The following GPR137B variants were observed in gnomAD, a reference collection of about 807,000 sequenced individuals.
The protein encoded by GPR137B is integral membrane protein GPR137B.
In GPR137B, 42 loss-of-function variants were observed where a neutral mutation model predicts 42.5. The observed-to-expected ratio is 0.99, with a 90% CI of 0.77 to 1.28. The LOEUF (loss-of-function observed/expected upper bound fraction) is 1.28. Ranked by LOEUF, GPR137B falls within the 50% of genes most tolerant of loss-of-function variation. The pLI is 0.00. For missense variants in GPR137B, 487 were observed against 493.9 expected (o/e 0.99, Z 0.13); for synonymous variants, 218 against 209.7 (o/e 1.04, Z -0.34).
chr1:236,164,510 G>A lies in GPR137B; in HGVS notation c.415-4196G>A, dbSNP rs115715364. On this transcript the variant is annotated intron_variant, in intron 1 of 6. Coordinates refer to ENST00000366592, the MANE Select transcript of GPR137B (RefSeq NM_003272.4). ...TGCAGACTGGCAGAAATGGGCAGCC[G>A]GATATGAGAGCCCAGCCGGCCAGAG... is the stretch of plus-strand genomic sequence containing the variant. 8.7e-3 allele frequency among the ~76,000 whole-genome samples: 1,327 copies of A among 152,302 alleles called. 15 individuals are homozygous for A. Among genetic ancestry groups the A allele is most frequent in the African/African-American group, 0.03 (1,230 of 41,574 alleles).
At chr1:236,166,472 C>T (rs1046627297) in intron 1 of GPR137B, among the ~76,000 whole-genome samples, 5 of 136,182 alleles carry the variant, frequency 3.7e-5, no homozygotes. Flanking sequence ...TAAATATATA[C>T]ATTATATATA....
intron 2 of GPR137B, among the ~76,000 whole-genome samples, chr1:236,175,660 C>G (rs886117997): frequency 1.3e-5 from 2 of 152,148 alleles, no homozygotes; most frequent in Non-Finnish European, 2.9e-5. Flanking sequence ...ATACCCCCCT[C>G]CCCTGATTCC....
rs77007743 is a variant in GPR137B, at chr1:236,183,175, A to G, written c.838-603A>G. ...GCCATCTCACTGGGCCTCATACCAAACACCTTAGGCTCTGTGGATTGTTTT... is the reference window on the plus strand; with the variant it reads ...GCCATCTCACTGGGCCTCATACCAAGCACCTTAGGCTCTGTGGATTGTTTT... On this transcript the variant is annotated intron_variant, in intron 4 of 6. Coordinates refer to ENST00000366592, the MANE Select transcript of GPR137B (RefSeq NM_003272.4). Among the ~76,000 whole-genome samples, 794 of 152,258 alleles carry G rather than the reference A, an allele frequency of 5.2e-3. 9 individuals carry two copies. The highest frequency in any genetic ancestry group is 0.018 in the African/African-American group (762 of 41,528).
At chr1:236,177,769 T>A (rs906267533) in intron 2 of GPR137B, among the ~76,000 whole-genome samples, 2 of 152,034 alleles carry the variant, frequency 1.3e-5, no homozygotes, top group Non-Finnish European at 2.9e-5. Flanking sequence ...TTGGCCAGGC[T>A]GGTCTTGAAC....
intron 1 of GPR137B, among the ~76,000 whole-genome samples, chr1:236,146,993 G>A (rs948428911): frequency 6.6e-6 from 1 of 152,210 alleles, no homozygotes; most frequent in African/African-American, 2.4e-5. Flanking sequence ...ATTTTCAGTA[G>A]AGACAGGGTT....
At chr1:236,181,893 A>ATTTTAACCTTT (rs10680855) in intron 4 of GPR137B, among the ~76,000 whole-genome samples, 3,095 of 121,212 alleles carry the variant, frequency 0.026, 418 homozygotes, top group African/African-American at 0.088. Flanking sequence ...AATATTTGCT[A>ATTTTAACCTTT]TTTTTTTTTT....
chr1:236,161,354 C>A (rs1250879869), intron 1 of GPR137B, among the ~76,000 whole-genome samples: 1 of 151,978 alleles, frequency 6.6e-6, no homozygotes, highest in East Asian at 1.9e-4. Context: ...TCCTGCAGCA[C>A]CTTCTCTCCT....
chr1:236,195,790 G>A (rs112399317), intron 5 of GPR137B, among the ~76,000 whole-genome samples: 10 of 152,206 alleles, frequency 6.6e-5, no homozygotes, highest in African/African-American at 2.4e-4. Flanking sequence ...AGATATAAGC[G>A]ATTATAACTG....
At chr1:236,207,312 G>A (rs1663693048) in intron 6 of GPR137B, 1 of 979,882 alleles carries the variant, frequency 1.0e-6, no homozygotes, top group Non-Finnish European at 1.2e-6. Flanking sequence ...AAACAAGAAG[G>A]ACTTCTTGAA....
At chr1:236,178,018 A>AC (rs1662738349) in intron 2 of GPR137B, among the ~76,000 whole-genome samples, 1 of 152,138 alleles carries the variant, frequency 6.6e-6, no homozygotes, top group Admixed American at 6.6e-5. Flanking sequence ...AAGTGATGGA[A>AC]CCAAGGCTCA....
Position 236,142,599 on chromosome 1 carries a change from GGGC to G in GPR137B, c.-14_-12del, listed in dbSNP as rs1558474989. 15 of 1,290,952 alleles carry G rather than the reference GGGC, an allele frequency of 1.2e-5. No individual in the cohort carries two copies. Among genetic ancestry groups the G allele is most frequent in the South Asian group, 2.4e-5 (1 of 40,932 alleles). The allele number at this position is 1,290,952 out of a possible 1,614,324, so 80.0% of individuals were successfully genotyped here. On this transcript the variant is annotated 5_prime_UTR_variant, in exon 1 of 7. Transcript: ENST00000366592. Reference sequence around the variant, plus strand: ...GCGCGATGCGCGGAGACCCCCGCGGGGGCGGCGGCGGCCGTGAGCCCCGATGAG... The same window carrying G: ...GCGCGATGCGCGGAGACCCCCGCGGGGGCGGCGGCCGTGAGCCCCGATGAG...
At chr1:236,200,041 G>A (rs1204477622) in intron 5 of GPR137B, among the ~76,000 whole-genome samples, 2 of 151,862 alleles carry the variant, frequency 1.3e-5, no homozygotes, top group Non-Finnish European at 2.9e-5. Flanking sequence ...TCAGAGGTTT[G>A]GGTAAGTTGT....
chr1:236,179,246 ACTGT>A (rs760562665), intron 3 of GPR137B, among the ~76,000 whole-genome samples: 3 of 152,242 alleles, frequency 2.0e-5, no homozygotes. Flanking sequence ...TTAGTTAATG[ACTGT>A]CTAATACAGT....
Position 236,174,111 on chromosome 1 carries a change from C to A in GPR137B, c.465-4303C>A, listed in dbSNP as rs114022251. On this transcript the variant is annotated intron_variant, in intron 2 of 6. Coordinates refer to ENST00000366592, the MANE Select transcript of GPR137B (RefSeq NM_003272.4). ...AGATTTCCCAAGACAAAGTTGATGT[C>A]TATATTGCATTTCCAATTTTGCATC... Among the ~76,000 whole-genome samples the A allele has an allele frequency of 1.6e-3, 243 of 152,264 alleles. 3 individuals carry two copies. The highest frequency in any genetic ancestry group is 5.4e-3 in the African/African-American group (223 of 41,550).
intron 1 of GPR137B, among the ~76,000 whole-genome samples, chr1:236,144,463 C>G (rs1166208642): frequency 1.3e-5 from 2 of 152,196 alleles, no homozygotes; most frequent in African/African-American, 4.8e-5. Context: ...AAGGATTGCT[C>G]TGGTACAGTG....
intron 5 of GPR137B, among the ~76,000 whole-genome samples, chr1:236,186,283 ATAAATAATATATAATATATATT>A: frequency 2.3e-5 from 2 of 85,172 alleles, no homozygotes; most frequent in African/African-American, 5.1e-5. Flanking sequence ...ATATAATAAT[ATAAATAATATATAATATATATT>A]ATATATAATA....
intron 1 of GPR137B, among the ~76,000 whole-genome samples, chr1:236,162,629 A>G (rs867261067): frequency 5.9e-5 from 9 of 152,214 alleles, no homozygotes; most frequent in Admixed American, 1.3e-4. Context: ...CAGCTGCTCC[A>G]GCCATGGCTG....
At chr1:236,184,766 T>G (rs1286654995) in intron 5 of GPR137B, among the ~76,000 whole-genome samples, 2 of 148,368 alleles carry the variant, frequency 1.3e-5, no homozygotes, top group Non-Finnish European at 2.9e-5. Flanking sequence ...TTGTTTGCTT[T>G]TTGGTTTTTT....
intron 5 of GPR137B, among the ~76,000 whole-genome samples, chr1:236,203,950 T>C (rs1402411651): frequency 1.3e-5 from 2 of 152,222 alleles, no homozygotes; most frequent in African/African-American, 4.8e-5. Context: ...TAGCTAGGAC[T>C]TCCAGTACTA....
Sources: gnomAD v4.1 joint callset for allele counts (sites outside exome capture counted in the v4.1 genomes callset) on GRCh38, gnomAD v4.1.1 for gene constraint, MANE v1.5 for transcripts, NCBI Gene and HGNC (gene_info 2026-07-23, HGNC 2026-07-21) for gene names.